The following ZFHX3 variants were observed in gnomAD, a reference collection of about 807,000 sequenced individuals.
ZFHX3 encodes the protein zinc finger homeobox protein 3.
Under a neutral mutation model 279.1 loss-of-function variants are expected in ZFHX3, and 42 were observed. The observed-to-expected ratio is 0.15, with a 90% CI of 0.12 to 0.19. ZFHX3 has a LOEUF of 0.19. Among genes scored for constraint, ZFHX3 ranks in the 10% least tolerant of loss-of-function variants. The probability of loss-of-function intolerance (pLI) is 1.00; values close to 1 mark genes in which losing one functional copy is unlikely to be tolerated. For synonymous variants in ZFHX3, 2,293 were observed against 1,957.8 expected, an observed-to-expected ratio of 1.17 and a Z score of -4.52; for missense variants, 4,981 against 4,754.0, an observed-to-expected ratio of 1.05 and a Z score of -1.40.
At chr16:73,301,909 C>G (rs925714844) in intron 4 of ZFHX3, among the ~76,000 whole-genome samples, 1 of 152,048 alleles carries the variant, frequency 6.6e-6, no homozygotes, top group South Asian at 2.1e-4. Context: ...GGAGATGAAA[C>G]CTGGACAAGG....
intron 3 of ZFHX3, among the ~76,000 whole-genome samples, chr16:73,357,983 C>T (rs1022436567): frequency 2.0e-5 from 3 of 152,240 alleles, no homozygotes; most frequent in African/African-American, 7.2e-5. Flanking sequence ...TCCCCCATCC[C>T]CTCTCGGGAG....
chr16:73,130,950 A>G, intron 7 of ZFHX3: 2 of 1,304,216 alleles, frequency 1.5e-6, no homozygotes, highest in African/African-American at 1.5e-5. Flanking sequence ...GGGGCACTAT[A>G]AGACATTTGT....
chr16:72,979,975 C>T (rs561435596), intron 1 of ZFHX3, among the ~76,000 whole-genome samples: 13 of 152,314 alleles, frequency 8.5e-5, no homozygotes, highest in African/African-American at 3.1e-4. Context: ...AGTAATTTCT[C>T]AACTGCTGAG....
At chr16:73,808,123 G>A (rs975525723) in intron 1 of ZFHX3, among the ~76,000 whole-genome samples, 4 of 152,166 alleles carry the variant, frequency 2.6e-5, no homozygotes, top group Non-Finnish European at 5.9e-5. Flanking sequence ...GGGCACTGAA[G>A]AGAGACCAGT....
chr16:73,608,191 T>C (rs966331913), intron 2 of ZFHX3, among the ~76,000 whole-genome samples: 1 of 152,180 alleles, frequency 6.6e-6, no homozygotes, highest in African/African-American at 2.4e-5. Context: ...GTGTGGAAAT[T>C]GGCTTTAAGC....
At chr16:73,498,358 T>A (rs770914529) in intron 2 of ZFHX3, among the ~76,000 whole-genome samples, 1 of 152,238 alleles carries the variant, frequency 6.6e-6, no homozygotes, top group Non-Finnish European at 1.5e-5. Context: ...GACATCTTGA[T>A]GTCAGTTGGT....
intron 4 of ZFHX3, among the ~76,000 whole-genome samples, chr16:73,278,638 C>T (rs764538326): frequency 9.2e-5 from 14 of 152,212 alleles, no homozygotes; most frequent in African/African-American, 1.4e-4. Flanking sequence ...CACCCACGTT[C>T]CGTTTTTGTC....
intron 2 of ZFHX3, among the ~76,000 whole-genome samples, chr16:73,633,066 G>A (rs1380640616): frequency 5.3e-5 from 8 of 152,306 alleles, no homozygotes; most frequent in African/African-American, 1.9e-4. Context: ...ACAACAAAGC[G>A]AGACTCCGTC....
chr16:72,964,655 G>C (rs1228446140), intron 1 of ZFHX3, among the ~76,000 whole-genome samples: 3 of 132,400 alleles, frequency 2.3e-5, no homozygotes, highest in Non-Finnish European at 4.7e-5. Context: ...GACAAAATGA[G>C]ACTTGGTCTA....
intron 3 of ZFHX3, among the ~76,000 whole-genome samples, chr16:73,398,864 T>TTG (rs397842516): frequency 1.9e-5 from 2 of 103,906 alleles, no homozygotes; most frequent in African/African-American, 3.5e-5. Context: ...TGGTTTTTTT[T>TTG]GTTTTGTTTT....
At chr16:73,504,591 A>G (rs2019291700) in intron 2 of ZFHX3, 1 of 152,322 alleles carries the variant, frequency 6.6e-6, no homozygotes, top group Admixed American at 6.5e-5. Context: ...GAACTGGACC[A>G]GATAAAGACA....
chr16:73,253,134 C>T (rs2013559382), intron 5 of ZFHX3, among the ~76,000 whole-genome samples: 1 of 152,156 alleles, frequency 6.6e-6, no homozygotes, highest in African/African-American at 2.4e-5. Flanking sequence ...CATGGGACTC[C>T]TCTAACAGGC....
At chr16:73,021,117 T>A (rs1964283418) in intron 1 of ZFHX3, among the ~76,000 whole-genome samples, 1 of 152,216 alleles carries the variant, frequency 6.6e-6, no homozygotes. Flanking sequence ...TACTCATAAT[T>A]AAAGATTTGA....
intron 2 of ZFHX3, among the ~76,000 whole-genome samples, chr16:73,476,799 A>T (rs570260713): frequency 6.6e-6 from 1 of 152,352 alleles, no homozygotes; most frequent in East Asian, 1.9e-4. Flanking sequence ...TCATTAAAAA[A>T]TGGAGTATTA....
chr16:73,424,821 A>T (rs1038971626), intron 3 of ZFHX3, among the ~76,000 whole-genome samples: 2 of 151,906 alleles, frequency 1.3e-5, no homozygotes, highest in African/African-American at 4.8e-5. Flanking sequence ...CTACTGACTT[A>T]AAAGTAATCA....
intron 1 of ZFHX3, among the ~76,000 whole-genome samples, chr16:73,862,496 C>A (rs1961909993): frequency 6.6e-6 from 1 of 152,178 alleles, no homozygotes; most frequent in Non-Finnish European, 1.5e-5. Flanking sequence ...GTGACGAGGA[C>A]GGTTGCTGTG....
intron 1 of ZFHX3, among the ~76,000 whole-genome samples, chr16:73,004,157 G>T (rs1425598328): frequency 8.2e-5 from 5 of 61,098 alleles, no homozygotes; most frequent in Admixed American, 2.1e-4. Flanking sequence ...ATAAAAACAC[G>T]ACTTTTTTTT....
chr16:73,831,336 C>A (rs77056862), intron 1 of ZFHX3, among the ~76,000 whole-genome samples: 2 of 152,300 alleles, frequency 1.3e-5, no homozygotes, highest in East Asian at 1.9e-4. Context: ...GGTTGTCACA[C>A]TTTGGCAGGG....
chr16:73,167,133 T>C (rs554492931), intron 5 of ZFHX3, among the ~76,000 whole-genome samples: 17 of 152,366 alleles, frequency 1.1e-4, no homozygotes, highest in Non-Finnish European at 2.4e-4. Flanking sequence ...TTTGTTCTTG[T>C]ACTTATTGCA....
Sources: allele counts gnomAD v4.1 joint callset (sites outside exome capture counted in the v4.1 genomes callset), GRCh38; gene constraint gnomAD v4.1.1; transcripts MANE v1.5; gene names NCBI Gene and HGNC (gene_info 2026-07-23, HGNC 2026-07-21).